MYO9A: variants seen among roughly 807,000 people sequenced by gnomAD.
The protein encoded by MYO9A is myosin IXA, also known as unconventional myosin-IXa.
A neutral mutation model predicts 293.3 loss-of-function variants in MYO9A; 103 were observed. The observed-to-expected ratio is 0.35, with a 90% CI of 0.30 to 0.41. The LOEUF (loss-of-function observed/expected upper bound fraction) is 0.41. MYO9A is among the 10% of genes least tolerant of loss of function. MYO9A has a pLI of 1.00. For synonymous variants in MYO9A, 1,001 were observed against 1,035.7 expected, an observed-to-expected ratio of 0.97 and a Z score of 0.64; for missense variants, 2,685 against 3,033.0, an observed-to-expected ratio of 0.89 and a Z score of 2.69.
chr15:71,976,624 G>A (rs931801106), intron 12 of MYO9A, among the ~76,000 whole-genome samples: 7 of 152,162 alleles, frequency 4.6e-5, no homozygotes, highest in Non-Finnish European at 7.4e-5. Context: ...CAGAGGTAGG[G>A]TATACAAACA....
intron 10 of MYO9A, among the ~76,000 whole-genome samples, chr15:71,992,459 T>C (rs2076568908): frequency 6.6e-6 from 1 of 152,206 alleles, no homozygotes; most frequent in South Asian, 2.1e-4. Context: ...AGATCTTTTT[T>C]AAAAGCCTGT....
chr15:71,916,359 C>T lies in MYO9A; in HGVS notation c.2685+11G>A, dbSNP rs1157525317. 2 of 1,603,408 alleles carry T rather than the reference C, an allele frequency of 1.2e-6. No individual in the cohort carries two copies. Among genetic ancestry groups the T allele is most frequent in the African/African-American group, 2.7e-5 (2 of 74,028 alleles). ...AGATTCTTATTTGTTTTAAGCGAAACAAGAAATAACCTGAAACTGGGCACT... is the reference window on the plus strand; with the variant it reads ...AGATTCTTATTTGTTTTAAGCGAAATAAGAAATAACCTGAAACTGGGCACT... On this transcript the variant is annotated intron_variant, in intron 19 of 41. Coordinates refer to ENST00000356056, the MANE Select transcript of MYO9A (RefSeq NM_006901.4).
chr15:71,975,544 TCAGGAGCAGGTCA>T (rs1283968182), intron 12 of MYO9A, among the ~76,000 whole-genome samples: 1 of 151,812 alleles, frequency 6.6e-6, no homozygotes, highest in Non-Finnish European at 1.5e-5. Flanking sequence ...GCTTTAGGTC[TCAGGAGCAGGTCA>T]CAGGAGCAAG....
intron 1 of MYO9A, among the ~76,000 whole-genome samples, chr15:72,067,917 T>G (rs140228555): frequency 3.3e-5 from 5 of 152,190 alleles, no homozygotes; most frequent in Admixed American, 6.5e-5. Flanking sequence ...TCTGCAAATC[T>G]TCTACTCTGT....
intron 3 of MYO9A, among the ~76,000 whole-genome samples, chr15:72,031,054 CAT>C (rs1302046731): frequency 6.6e-6 from 1 of 152,146 alleles, no homozygotes; most frequent in Non-Finnish European, 1.5e-5. Context: ...GTGAATCACA[CAT>C]GAGAGTGATC....
rs142873592 is a variant in MYO9A at position 72,071,741 on chromosome 15, C to T, written c.-71-25107G>A. Among the ~76,000 whole-genome samples, 767 of 148,192 alleles carry T rather than the reference C, an allele frequency of 5.2e-3. 6 individuals are homozygous for T. The highest frequency in any genetic ancestry group is 0.017 in the African/African-American group (691 of 40,106). Reference sequence around the variant, plus strand: ...CTGCACTCCAGCCTGGGCGACACAGCGAGACTCCATCTCAAAAAAAATAAA... The same window carrying T: ...CTGCACTCCAGCCTGGGCGACACAGTGAGACTCCATCTCAAAAAAAATAAA... On this transcript the variant is annotated intron_variant, in intron 1 of 41. Coordinates refer to ENST00000356056, the MANE Select transcript of MYO9A (RefSeq NM_006901.4).
Position 71,968,081 on chromosome 15 carries a change from T to C in MYO9A, c.1889A>G (p.His630Arg). The part of the protein sequence containing the change: ...TNQTLLDKFK[H>R]QHEDNSYIEF... ...GATGTAAGAATTATCTTCATGTTGA[T>C]GCTTAAACTTGTCTAGCAATGTTTG... The change falls in exon 13 of 42, where the codon CAT (histidine) becomes CGT (arginine). Residue 630 changes from histidine (H) to arginine (R), a missense_variant. Transcript: ENST00000356056. 6.2e-7 allele frequency: 1 copy of C among 1,610,922 alleles called. No homozygotes were observed. The highest frequency in any genetic ancestry group is 8.5e-7 in the Non-Finnish European group (1 of 1,178,408).
intron 1 of MYO9A, among the ~76,000 whole-genome samples, chr15:72,082,483 C>A (rs1032872827): frequency 7.9e-5 from 12 of 152,082 alleles, no homozygotes; most frequent in African/African-American, 2.9e-4. Flanking sequence ...TGGACAGGGA[C>A]ATGGACAGGG....
intron 1 of MYO9A, among the ~76,000 whole-genome samples, chr15:72,093,276 T>G (rs1481868652): frequency 6.6e-6 from 1 of 152,134 alleles, no homozygotes; most frequent in East Asian, 1.9e-4. Context: ...GCCTGTAATT[T>G]CAGCACTTTG....
intron 1 of MYO9A, among the ~76,000 whole-genome samples, chr15:72,083,415 T>C (rs2079614312): frequency 6.6e-6 from 1 of 152,176 alleles, no homozygotes; most frequent in Admixed American, 6.5e-5. Flanking sequence ...CATTTTCTTA[T>C]TAGTTTAGCA....
At chr15:71,880,632 A>G in intron 28 of MYO9A, 74 bp from the exon 29 acceptor site, 3 of 1,333,766 alleles carry the variant, frequency 2.2e-6, no homozygotes, top group African/African-American at 1.5e-5. Flanking sequence ...CCTTCTTTTT[A>G]AAGTTCCTTT....
chr15:71,831,470 G>C (rs2054724597), intron 39 of MYO9A, among the ~76,000 whole-genome samples: 1 of 152,166 alleles, frequency 6.6e-6, no homozygotes, highest in Admixed American at 6.5e-5. Flanking sequence ...CAATGGTGTG[G>C]GTTGCTGCCT....
intron 32 of MYO9A, among the ~76,000 whole-genome samples, chr15:71,872,089 T>G (rs931591169): frequency 6.6e-6 from 1 of 152,072 alleles, no homozygotes; most frequent in East Asian, 1.9e-4. Context: ...AGTTCAAAAT[T>G]TATGATGATA....
At chr15:71,902,837 T>C (rs1214241683) in intron 22 of MYO9A, 104 bp downstream of exon 22, 30 of 920,374 alleles carry the variant, frequency 3.3e-5, no homozygotes, top group Non-Finnish European at 4.3e-5. Flanking sequence ...TGTCTTCTGA[T>C]ATCTGATTCA....
chr15:71,966,388 G>A (rs2075878863), intron 13 of MYO9A, among the ~76,000 whole-genome samples: 1 of 151,806 alleles, frequency 6.6e-6, no homozygotes, highest in Non-Finnish European at 1.5e-5. Context: ...TCTGAGGGGA[G>A]CTGGCTGGGA....
chr15:71,998,230 A>G (rs1273306196), intron 9 of MYO9A, among the ~76,000 whole-genome samples: 1 of 152,192 alleles, frequency 6.6e-6, no homozygotes, highest in East Asian at 1.9e-4. Context: ...CAGAAAACCA[A>G]ACACAGCATG....
intron 2 of MYO9A, among the ~76,000 whole-genome samples, chr15:72,042,850 T>A (rs1474944000): frequency 6.6e-6 from 1 of 151,762 alleles, no homozygotes; most frequent in Non-Finnish European, 1.5e-5. Context: ...TCACTTGAGC[T>A]CAGGAGTTCA....
chr15:72,059,996 CA>C (rs770749287), intron 1 of MYO9A, among the ~76,000 whole-genome samples: 12 of 152,318 alleles, frequency 7.9e-5, no homozygotes, highest in South Asian at 4.1e-4. Flanking sequence ...ACCATATGCA[CA>C]GACTATACAG....
intron 32 of MYO9A, among the ~76,000 whole-genome samples, chr15:71,864,793 TAGAGTA>T (rs1168688682): frequency 2.0e-5 from 3 of 151,992 alleles, no homozygotes; most frequent in Non-Finnish European, 4.4e-5. Context: ...AAACAGAAAG[TAGAGTA>T]ATAGTGCCTG....
Sources: allele counts gnomAD v4.1 joint callset (sites outside exome capture counted in the v4.1 genomes callset), GRCh38; gene constraint gnomAD v4.1.1; transcripts MANE v1.5; gene names NCBI Gene and HGNC (gene_info 2026-07-23, HGNC 2026-07-21).